Variants in TRANK1 observed in about 807,000 individuals in gnomAD.
TRANK1 encodes TPR and ankyrin repeat-containing protein 1.
In TRANK1, 198 loss-of-function variants were observed where a neutral mutation model predicts 266.0. That is an observed-to-expected ratio of 0.74 (90% CI 0.66 to 0.84). TRANK1 has a LOEUF of 0.84. Among genes scored for constraint, TRANK1 ranks in the 40% least tolerant of loss-of-function variants. The pLI is 0.00. For synonymous variants in TRANK1, 1,396 were observed against 1,384.1 expected (o/e 1.01, Z -0.19); for missense variants, 3,326 against 3,634.6 (o/e 0.92, Z 2.18).
chr3:36,937,156 A>G (rs11706926), intron 1 of TRANK1, among the ~76,000 whole-genome samples: 77,206 of 152,028 alleles, frequency 0.51, 20,064 homozygotes, highest in Non-Finnish European at 0.56. Context: ...TGGGTCTGAA[A>G]TGGAGTCTCA....
chr3:36,831,425 G>T lies in TRANK1; in HGVS notation c.8158C>A (p.Gln2720Lys), dbSNP rs1224202339. ...AGGCATGCCCTCCTCAACTTCCGCT[G>T]TATGGAGGCCTTCCGTTGCTTTTGG... Reference protein sequence around the residue: ...LSQKQRKASIQRKLRRACLVV... With the variant: ...LSQKQRKASIKRKLRRACLVV... Residue 2720 changes from glutamine (Q) to lysine (K), a missense_variant, in exon 22 of 24, where the codon CAG becomes AAG. By Grantham distance (53) the Gln-to-Lys change is moderately conservative. Transcript: ENST00000645898. The surrounding 1 kb of genome is among the most constrained non-coding windows in gnomAD (Gnocchi z 5.0). 6.2e-7 allele frequency: 1 copy of T among 1,612,988 alleles called. No homozygotes were observed. Among genetic ancestry groups the T allele is most frequent in the Non-Finnish European group, 8.5e-7 (1 of 1,179,504 alleles).
intron 1 of TRANK1, among the ~76,000 whole-genome samples, chr3:36,912,991 C>T (rs1235458396): frequency 2.6e-5 from 4 of 151,384 alleles, no homozygotes; most frequent in African/African-American, 9.7e-5. Context: ...CTGGCAGTAG[C>T]AGTAGATCCA....
Position 36,846,263 on chromosome 3 carries a change from T to G in TRANK1, c.5176A>C (p.Thr1726Pro), listed in dbSNP as rs1449086319. 6.3e-7 allele frequency: 1 copy of G among 1,597,000 alleles called. No homozygotes were observed. The highest frequency in any genetic ancestry group is 8.5e-7 in the Non-Finnish European group (1 of 1,171,236). ...AGGATCTTACCTTTATTTTCATCTG[T>G]CTTTACAACTTGGACAAAATCTCTT... ...IRRDFVQVVK[T>P]DENKDFDDSM... The change falls in exon 17 of 24, where the codon ACA becomes CCA. Residue 1726 changes from threonine to proline, a missense_variant. Transcript: ENST00000645898.
chr3:36,925,343 T>C (rs2080273041), intron 1 of TRANK1, among the ~76,000 whole-genome samples: 1 of 152,200 alleles, frequency 6.6e-6, no homozygotes, highest in Non-Finnish European at 1.5e-5. Flanking sequence ...ACCTGCACCA[T>C]AGGGTTAAGT....
intron 2 of TRANK1, among the ~76,000 whole-genome samples, chr3:36,906,002 C>T (rs1438225621): frequency 6.6e-6 from 1 of 152,224 alleles, no homozygotes; most frequent in Non-Finnish European, 1.5e-5. Context: ...GTAGGGGTCA[C>T]ACAGTAAGTG....
chr3:36,879,162 A>G (rs575392950), intron 8 of TRANK1, among the ~76,000 whole-genome samples: 3 of 152,158 alleles, frequency 2.0e-5, no homozygotes, highest in Admixed American at 6.5e-5. Flanking sequence ...TTTAAAAAAA[A>G]AAAGAAAGAA....
chr3:36,944,625 G>A (rs1165315857), intron 1 of TRANK1, among the ~76,000 whole-genome samples, 162 bp downstream of exon 1: 1 of 152,144 alleles, frequency 6.6e-6, no homozygotes, highest in South Asian at 2.1e-4. Flanking sequence ...ACTGGCTCGG[G>A]TCTGCACCTA....
At chr3:36,935,197 C>T (rs1294141233) in intron 1 of TRANK1, among the ~76,000 whole-genome samples, 4 of 152,178 alleles carry the variant, frequency 2.6e-5, no homozygotes, top group Non-Finnish European at 5.9e-5. Flanking sequence ...CCCTCCAAAC[C>T]TCATGGTCTC....
rs1056952100 is a variant in TRANK1 at position 36,907,666 on chromosome 3, C to G, written c.155+657G>C. Among the ~76,000 whole-genome samples the G allele has an allele frequency of 2.7e-5, 4 of 150,710 alleles. No homozygotes were observed. The South Asian group carries it at 6.3e-4, about 24-fold the overall frequency. On this transcript the variant is annotated intron_variant, in intron 2 of 23. Transcript: ENST00000645898. ...TTTTTAATAGAGATGGGGTTTCACC[C>G]TGTTAGCCAGGATGGTCTCGATCTC...
chr3:36,867,468 C>T lies in TRANK1; in HGVS notation c.1079-2988G>A, dbSNP rs556739930. Among the ~76,000 whole-genome samples the T allele has an allele frequency of 3.9e-5, 6 of 152,260 alleles. No homozygotes were observed. The South Asian group carries it at 1.2e-3, about 32-fold the overall frequency. ...ATAGATGAGCGAAAGATTCAAACAT[C>T]AGGAAAGAAATCAGAGAATGATACA... On this transcript the variant is annotated intron_variant, in intron 9 of 23. Transcript: ENST00000645898.
intron 21 of TRANK1, 133 bp from the exon 22 acceptor site, chr3:36,834,052 C>T: frequency 1.2e-6 from 1 of 846,902 alleles, no homozygotes; most frequent in Middle Eastern, 2.3e-4. Flanking sequence ...CTAAACTTGT[C>T]AAGCATTCAA....
chr3:36,903,140 A>T lies in TRANK1; in HGVS notation c.282+9T>A, dbSNP rs2079908418. On this transcript the variant is annotated intron_variant, in intron 3 of 23. Transcript: ENST00000645898. ...CATCTCCCCACACCTTCACCCTCCC[A>T]CCCCATACCTTCACGTAGGTTGGAT... 6.5e-7 allele frequency: 1 copy of T among 1,535,896 alleles called. No homozygotes were observed. Among genetic ancestry groups the T allele is most frequent in the African/African-American group, 1.4e-5 (1 of 72,758 alleles).
chr3:36,874,086 G>C, intron 9 of TRANK1, 40 bp downstream of exon 9: 2 of 1,511,396 alleles, frequency 1.3e-6, no homozygotes, highest in Non-Finnish European at 1.8e-6. Context: ...CACAGAACCA[G>C]TTTTATGCCC....
intron 1 of TRANK1, among the ~76,000 whole-genome samples, chr3:36,910,844 C>A (rs190913407): frequency 6.6e-6 from 1 of 152,130 alleles, no homozygotes; most frequent in Non-Finnish European, 1.5e-5. Context: ...CTGAGGCGGG[C>A]GGATCACCTG....
chr3:36,876,464 A>T (rs2079389404), intron 8 of TRANK1, among the ~76,000 whole-genome samples: 2 of 152,248 alleles, frequency 1.3e-5, no homozygotes, highest in Non-Finnish European at 2.9e-5. Context: ...GGTCACTAAG[A>T]CACACTAGGA....
Position 36,833,836 on chromosome 3 carries a change from G to A in TRANK1, c.5747C>T (p.Ala1916Val). ...CATCTTATTTGCACTCAGATACTTT[G>A]CTGCAGCTTCCAAGTAAAACTGACT... ...SASQFYLEAA[A>V]KYLSANKMKE... The change falls in exon 22 of 24, where the codon GCA becomes GTA. Residue 1916 changes from alanine to valine, a missense_variant. Transcript: ENST00000645898. 1 of 1,614,004 alleles carries A rather than the reference G, an allele frequency of 6.2e-7. No homozygotes were observed. The highest frequency in any genetic ancestry group is 1.1e-5 in the South Asian group (1 of 91,082).
intron 13 of TRANK1, among the ~76,000 whole-genome samples, chr3:36,854,937 G>A (rs991887639): frequency 6.6e-6 from 1 of 152,188 alleles, no homozygotes; most frequent in African/African-American, 2.4e-5. Context: ...CAAACTCCTT[G>A]AGATATAATT....
At position 36,944,669 on chromosome 3, in the gene TRANK1, G is replaced by A. The variant is rs1405221025; in HGVS notation, c.23+118C>T. On this transcript the variant is annotated intron_variant, in intron 1 of 23. Transcript: ENST00000645898. ...TGGGCCCCACAGGGATGGCCGGGCG[G>A]GCCCGTTCGGCCGCTACCTCAGGGT... 4 of 1,233,708 alleles carry A rather than the reference G, an allele frequency of 3.2e-6. No homozygotes were observed. The African/African-American group carries it at 4.7e-5, about 15-fold the overall frequency. The allele number at this position is 1,233,708 out of a possible 1,614,324, so 76.4% of individuals were successfully genotyped here.
Position 36,851,837 on chromosome 3 carries a change from T to C in TRANK1, c.4769A>G (p.Glu1590Gly). ...GAHQVILVAN[E>G]TAKEKIPEEL... ...TTCTGGAATTTTCTCCTTTGCCGTTTCATTGGCCACAAGGATTACCTGAAG... is the reference window on the plus strand; with the variant it reads ...TTCTGGAATTTTCTCCTTTGCCGTTCCATTGGCCACAAGGATTACCTGAAG... The change falls in exon 15 of 24, where the codon GAA becomes GGA. Residue 1590 changes from glutamate to glycine, a missense_variant. Transcript: ENST00000645898. The C allele has an allele frequency of 6.2e-7, 1 of 1,603,082 alleles. No individual in the cohort carries two copies.
Sources: gnomAD v4.1 joint callset for allele counts (sites outside exome capture counted in the v4.1 genomes callset) on GRCh38, gnomAD v4.1.1 for gene constraint, Gnocchi (gnomAD v3.1) non-coding constraint, MANE v1.5 for transcripts, NCBI Gene and HGNC (gene_info 2026-07-23, HGNC 2026-07-21) for gene names.